Variants in PPP2R3C observed in about 807,000 individuals in gnomAD.
The protein encoded by PPP2R3C is protein phosphatase 2 regulatory subunit B''gamma, also known as serine/threonine-protein phosphatase 2A regulatory subunit B'' subunit gamma.
Under a neutral mutation model 63.7 loss-of-function variants are expected in PPP2R3C, and 47 were observed. The ratio of observed to expected loss-of-function variants is 0.74; its 90% CI spans 0.58 to 0.94. The LOEUF (loss-of-function observed/expected upper bound fraction) is 0.94. Among genes scored for constraint, PPP2R3C ranks in the 40% least tolerant of loss-of-function variants. The pLI is 0.00. For missense variants in PPP2R3C, 421 were observed against 518.4 expected (o/e 0.81, Z 1.82); for synonymous variants, 180 against 177.4 (o/e 1.01, Z -0.12).
chr14:35,108,391 C>CTTTTT (rs10656897), intron 4 of PPP2R3C, among the ~76,000 whole-genome samples, 155 bp from the exon 5 acceptor site: 4 of 145,960 alleles, frequency 2.7e-5, no homozygotes, highest in African/African-American at 1.0e-4. Flanking sequence ...TTAAGTCAAA[C>CTTTTT]TTTTTTTTTT....
intron 2 of PPP2R3C, among the ~76,000 whole-genome samples, chr14:35,116,336 C>T (rs930358453): frequency 5.9e-5 from 9 of 152,086 alleles, no homozygotes; most frequent in East Asian, 1.9e-4. Context: ...ACTGCTGCCT[C>T]GATCTCCTGG....
chr14:35,115,317 C>T (rs1346924186), intron 2 of PPP2R3C, among the ~76,000 whole-genome samples: 1 of 151,640 alleles, frequency 6.6e-6, no homozygotes, highest in Non-Finnish European at 1.5e-5. Flanking sequence ...TGCGCACCAC[C>T]ATGCCCGGCT....
intron 9 of PPP2R3C, 149 bp downstream of exon 9, chr14:35,096,409 G>A (rs578124462): frequency 3.9e-6 from 3 of 763,402 alleles, no homozygotes; most frequent in East Asian, 5.2e-5. Context: ...ATTTAAACAA[G>A]TAAATTTTGG....
At chr14:35,113,847 T>G (rs1452245454) in intron 2 of PPP2R3C, among the ~76,000 whole-genome samples, 1 of 152,140 alleles carries the variant, frequency 6.6e-6, no homozygotes, top group Non-Finnish European at 1.5e-5. Flanking sequence ...TGATCTGCTT[T>G]GCCCAGCCCA....
In PPP2R3C at chr14:35,116,694, T is replaced by G. The variant is rs374037382; in HGVS notation, c.102A>C (p.Leu34Phe). 3.1e-5 allele frequency: 49 copies of G among 1,596,668 alleles called. No homozygotes were observed. The highest frequency in any genetic ancestry group is 4.2e-5 in the Non-Finnish European group (49 of 1,168,620). The change falls in exon 2 of 13, where the codon TTA (leucine) becomes TTC (phenylalanine). Residue 34 changes from leucine to phenylalanine, a missense_variant. Around this residue, in one of 3 missense-constraint regions of PPP2R3C, gnomAD observed 143 missense variants for 151.2 expected, o/e 0.95. Coordinates refer to ENST00000261475, the MANE Select transcript of PPP2R3C (RefSeq NM_017917.4). ...TCCATTCGGAGTAATATTTTGTAAA[T>G]AAATCCATTTCTTCATCTTTTAATT... is the stretch of plus-strand genomic sequence containing the variant. ...EQELKDEEMD[L>F]FTKYYSEWKG...
chr14:35,089,832 A>ATT (rs539566789), intron 11 of PPP2R3C, among the ~76,000 whole-genome samples: 1 of 100,614 alleles, frequency 9.9e-6, no homozygotes, highest in Admixed American at 1.0e-4. Context: ...CGCCCGGCTG[A>ATT]TTTTTTTGCA....
chr14:35,121,856 G>A lies in PPP2R3C; in HGVS notation c.58+46C>T, dbSNP rs775993492. 4 of 1,607,530 alleles carry A rather than the reference G, an allele frequency of 2.5e-6. No individual in the cohort carries two copies. The South Asian group carries it at 4.4e-5, about 18-fold the overall frequency. On this transcript the variant is annotated intron_variant, in intron 1 of 12. Coordinates refer to ENST00000261475, the MANE Select transcript of PPP2R3C (RefSeq NM_017917.4). ...CCCCACCTCCCCCCTACCTCTAGGA[G>A]TTTAGGGCCGGGCCATCCCAACGGG...
chr14:35,115,685 G>A (rs1051838714), intron 2 of PPP2R3C, among the ~76,000 whole-genome samples: 18 of 151,736 alleles, frequency 1.2e-4, no homozygotes, highest in African/African-American at 3.9e-4. Flanking sequence ...GCAGTGGCGC[G>A]ATCTGGGCTC....
intron 11 of PPP2R3C, among the ~76,000 whole-genome samples, chr14:35,089,822 C>G (rs747964497): frequency 3.4e-5 from 5 of 144,996 alleles, no homozygotes; most frequent in Admixed American, 2.8e-4. Flanking sequence ...CCCGCCACCA[C>G]GCCCGGCTGA....
chr14:35,108,304 GCAAA>G lies in PPP2R3C; in HGVS notation c.405-72_405-69del, dbSNP rs1385126682. Reference sequence around the variant, plus strand: ...AAGAAAATGACTTCTACATAAATTAGCAAACAATGGCATAAATTCATACAATTAA... The same window carrying G: ...AAGAAAATGACTTCTACATAAATTAGCAATGGCATAAATTCATACAATTAA... On this transcript the variant is annotated intron_variant, in intron 4 of 12. Transcript: ENST00000261475. The G allele has an allele frequency of 2.0e-6, 3 of 1,468,504 alleles. No individual in the cohort carries two copies. In the East Asian group the frequency reaches 7.7e-5, roughly 38 times the overall value. The allele number at this position is 1,468,504 out of a possible 1,614,324, so 91.0% of individuals were successfully genotyped here. A position where few individuals can be genotyped will look rare whatever the true frequency, so the allele number is the denominator to read the frequency against.
chr14:35,105,500 A>T lies in PPP2R3C; in HGVS notation c.573+1804T>A, dbSNP rs909120640. Among the ~76,000 whole-genome samples the T allele has an allele frequency of 1.6e-4, 25 of 151,946 alleles. 1 individual carries two copies. In the East Asian group the frequency reaches 3.3e-3, roughly 20 times the overall value. Reference sequence around the variant, plus strand: ...CCAGCCAAAAGGCCTTTTTTTTTTAAAGTTTGAAGAAAAAGAATCTAAAAA... The same window carrying T: ...CCAGCCAAAAGGCCTTTTTTTTTTATAGTTTGAAGAAAAAGAATCTAAAAA... On this transcript the variant is annotated intron_variant, in intron 6 of 12. Coordinates refer to ENST00000261475, the MANE Select transcript of PPP2R3C (RefSeq NM_017917.4).
chr14:35,121,282 C>A (rs948881381), intron 1 of PPP2R3C, among the ~76,000 whole-genome samples: 3 of 151,956 alleles, frequency 2.0e-5, no homozygotes, highest in Non-Finnish European at 4.4e-5. Context: ...GAGGCTGAGG[C>A]AGAAGAACCG....
chr14:35,085,917 T>C (rs1159906876), intron 12 of PPP2R3C, 139 bp from the exon 13 acceptor site: 8 of 667,142 alleles, frequency 1.2e-5, no homozygotes, highest in Non-Finnish European at 1.6e-5. Flanking sequence ...CTTATGTTAA[T>C]TTTTTGTTCT....
Position 35,108,114 on chromosome 14 carries a change from T to C in PPP2R3C, c.502+25A>G, listed in dbSNP as rs377141536. ...ACCTACTTGATTCCCAGATAAGGAGTTCAAGCACAGTAAAAATGAATCACC... is the reference window on the plus strand; with the variant it reads ...ACCTACTTGATTCCCAGATAAGGAGCTCAAGCACAGTAAAAATGAATCACC... On this transcript the variant is annotated intron_variant, in intron 5 of 12. Coordinates refer to ENST00000261475, the MANE Select transcript of PPP2R3C (RefSeq NM_017917.4). 84 of 1,598,744 alleles carry C rather than the reference T, an allele frequency of 5.3e-5. No homozygotes were observed. In the African/African-American group the frequency reaches 1.1e-3, roughly 21 times the overall value.
chr14:35,106,222 T>C (rs17103042), intron 6 of PPP2R3C: 25,784 of 152,230 alleles, frequency 0.17, 2,442 homozygotes, highest in East Asian at 0.31. Context: ...AAGGGTAGGT[T>C]TGAAACGTTT....
At chr14:35,118,194 T>C (rs10147528) in intron 1 of PPP2R3C, among the ~76,000 whole-genome samples, 2,181 of 152,274 alleles carry the variant, frequency 0.014, 41 homozygotes, top group African/African-American at 0.046. Flanking sequence ...AACAACTGTT[T>C]TAACAAATAT....
At chr14:35,090,883 T>G (rs992530910) in intron 11 of PPP2R3C, among the ~76,000 whole-genome samples, 187 bp downstream of exon 11, 22 of 151,922 alleles carry the variant, frequency 1.4e-4, no homozygotes, top group Non-Finnish European at 2.9e-4. Context: ...ACCTGGCTAA[T>G]TTTTTGTATT....
rs753981141 is a variant in PPP2R3C at position 35,091,190 on chromosome 14, C to T, written c.993G>A (p.Leu331=). Reference sequence around the variant, plus strand: ...TGTTTTCTAATGCAAGGACAAAGTCCAAGTAGGTCTTATAGTCCTACAGAA... The same window carrying T: ...TGTTTTCTAATGCAAGGACAAAGTCTAAGTAGGTCTTATAGTCCTACAGAA... ...YDGEMDYKTY[L]DFVLALENRK... is the part of the protein sequence containing the mutation. Residue 331 remains leucine (L), a synonymous_variant, in exon 11 of 13, where the codon TTG becomes TTA. Transcript: ENST00000261475. 3.4e-5 allele frequency: 54 copies of T among 1,610,210 alleles called. No homozygotes were observed. Among genetic ancestry groups the T allele is most frequent in the African/African-American group, 6.7e-5 (5 of 74,732 alleles).
At chr14:35,121,788 G>T in intron 1 of PPP2R3C, 114 bp downstream of exon 1, 1 of 1,179,722 alleles carries the variant, frequency 8.5e-7, no homozygotes, top group Non-Finnish European at 1.2e-6. Context: ...TTTGTCGGGA[G>T]GTTTCACAGA....
Sources: allele counts gnomAD v4.1 joint callset (sites outside exome capture counted in the v4.1 genomes callset), GRCh38; gene constraint gnomAD v4.1.1; regional missense constraint gnomAD v4.1.1; transcripts MANE v1.5; gene names NCBI Gene and HGNC (gene_info 2026-07-23, HGNC 2026-07-21).